Variants in CELF2 observed in about 807,000 individuals in gnomAD.
CELF2 encodes the protein CUG triplet repeat RNA-binding protein 2.
CELF2 carries 8 observed loss-of-function variants against 62.6 expected under a neutral mutation model. The ratio of observed to expected loss-of-function variants is 0.13; its 90% CI spans 0.07 to 0.23. The LOEUF (loss-of-function observed/expected upper bound fraction) is 0.23, where lower values mean the gene tolerates loss of function less well. Among genes scored for constraint, CELF2 ranks in the 10% least tolerant of loss-of-function variants. CELF2 has a pLI of 1.00. For synonymous variants in CELF2, 258 were observed against 250.0 expected (o/e 1.03, Z -0.30); for missense variants, 333 against 671.0 (o/e 0.50, Z 5.56).
intron 1 of CELF2, among the ~76,000 whole-genome samples, chr10:10,819,925 T>C (rs924699949): frequency 6.6e-6 from 1 of 152,168 alleles, no homozygotes; most frequent in African/African-American, 2.4e-5. Flanking sequence ...TGATACTGTT[T>C]GGCTTTGTCC....
chr10:10,571,953 T>G, the CELF2 span, among the ~76,000 whole-genome samples: 1 of 152,244 alleles, frequency 6.6e-6, no homozygotes, highest in Non-Finnish European at 1.5e-5. Flanking sequence ...AATACTCTTA[T>G]TGCTGTCAAT....
At chr10:11,320,958 G>A in intron 10 of CELF2, 1 of 1,534,164 alleles carries the variant, frequency 6.5e-7, no homozygotes, top group South Asian at 1.2e-5. Flanking sequence ...GTGCCACAGT[G>A]CATTTGAATC....
the CELF2 span, among the ~76,000 whole-genome samples, chr10:10,670,878 A>G: frequency 1.3e-5 from 2 of 152,068 alleles, no homozygotes; most frequent in East Asian, 1.9e-4. Context: ...ACTTAGAATT[A>G]TATACTTATA....
chr10:10,939,116 G>A (rs1456537497), intron 2 of CELF2, among the ~76,000 whole-genome samples: 3 of 144,904 alleles, frequency 2.1e-5, no homozygotes, highest in Non-Finnish European at 4.5e-5. Flanking sequence ...CACCTAGGCT[G>A]TAGTGCTTGA....
At chr10:10,691,635 T>G in the CELF2 span, among the ~76,000 whole-genome samples, 1 of 151,242 alleles carries the variant, frequency 6.6e-6, no homozygotes, top group African/African-American at 2.4e-5. Flanking sequence ...AGTGTAAAAG[T>G]GTTCCTATTT....
At chr10:10,945,289 C>G (rs2047534905) in intron 2 of CELF2, among the ~76,000 whole-genome samples, 1 of 152,148 alleles carries the variant, frequency 6.6e-6, no homozygotes, top group Admixed American at 6.5e-5. Context: ...AGCCTTGGGC[C>G]TTGGCTGATG....
the CELF2 span, among the ~76,000 whole-genome samples, chr10:10,547,036 G>A: frequency 1.3e-5 from 2 of 152,154 alleles, no homozygotes; most frequent in African/African-American, 4.8e-5. Flanking sequence ...GAACCTGGGA[G>A]GCGGAGGTTG....
chr10:11,073,602 A>G (rs1180887658), intron 1 of CELF2, among the ~76,000 whole-genome samples: 1 of 152,116 alleles, frequency 6.6e-6, no homozygotes, highest in Non-Finnish European at 1.5e-5. Context: ...TCATGTGTGG[A>G]CTCTGGTTTC....
rs201350787 is a variant in CELF2, at chr10:11,162,613, G to GT, written c.75-2873_75-2872insT. Among the ~76,000 whole-genome samples the GT allele has an allele frequency of 4.3e-3, 647 of 150,784 alleles. 18 individuals are homozygous for GT. The highest frequency in any genetic ancestry group is 0.038 in the Admixed American group (582 of 15,166). ...AAAGTAGCCTAAACTGGGGTGGGGGGGGTGAAAAAAATGTAAAGTACCTAT... is the reference window on the plus strand; with the variant it reads ...AAAGTAGCCTAAACTGGGGTGGGGGGTGGTGAAAAAAATGTAAAGTACCTAT... On this transcript the variant is annotated intron_variant, in intron 1 of 12. Transcript: ENST00000633077.
intron 1 of CELF2, among the ~76,000 whole-genome samples, chr10:10,799,771 C>G (rs987943077): frequency 6.6e-6 from 1 of 152,220 alleles, no homozygotes; most frequent in African/African-American, 2.4e-5. Flanking sequence ...TGCATCCTGT[C>G]TAAGCTGACT....
chr10:10,658,598 T>A, the CELF2 span, among the ~76,000 whole-genome samples: 1 of 152,226 alleles, frequency 6.6e-6, no homozygotes, highest in Non-Finnish European at 1.5e-5. Flanking sequence ...ATGTGTTTTA[T>A]CATCAAAGTA....
At chr10:11,115,071 G>A (rs1371697196) in intron 1 of CELF2, among the ~76,000 whole-genome samples, 3 of 152,156 alleles carry the variant, frequency 2.0e-5, no homozygotes, top group East Asian at 1.9e-4. Flanking sequence ...AATAAAATTG[G>A]CCCCACATAA....
intron 1 of CELF2, among the ~76,000 whole-genome samples, chr10:11,091,211 A>G (rs934905048): frequency 6.6e-6 from 1 of 152,224 alleles, no homozygotes; most frequent in Non-Finnish European, 1.5e-5. Context: ...AGTCCCCGAC[A>G]AACACCAAAT....
rs11415164 is a variant in CELF2, at chr10:10,924,281, CAAAAAAAAA to C, written c.89+4303_89+4311del. On this transcript the variant is annotated intron_variant, in intron 2 of 13. Transcript: ENST00000636488. The stretch of plus-strand genomic sequence containing the variant: ...TGGGCAACACAGCGAGACTCCGTCC[CAAAAAAAAA>C]AAAAAAAAAAAAAAAAAAAAGATAT... Among the ~76,000 whole-genome samples the C allele has an allele frequency of 7.5e-4, 34 of 45,102 alleles. 1 individual carries two copies. The highest frequency in any genetic ancestry group is 5.0e-3 in the Admixed American group (16 of 3,194). The allele number at this position is 45,102 out of a possible 152,430, so 29.6% of individuals were successfully genotyped here. A position where few individuals can be genotyped will look rare whatever the true frequency, so the allele number is the denominator to read the frequency against.
At chr10:10,607,124 G>A in the CELF2 span, among the ~76,000 whole-genome samples, 7 of 152,210 alleles carry the variant, frequency 4.6e-5, no homozygotes, top group Admixed American at 4.6e-4. Flanking sequence ...GAGCAATTTT[G>A]TTTCCTTACT....
At chr10:11,009,790 T>C (rs2056102156) in intron 1 of CELF2, among the ~76,000 whole-genome samples, 1 of 152,202 alleles carries the variant, frequency 6.6e-6, no homozygotes, top group African/African-American at 2.4e-5. Context: ...TGCAAGACTA[T>C]TTAGTTCCAC....
intron 1 of CELF2, among the ~76,000 whole-genome samples, chr10:11,037,454 C>T (rs2061144022): frequency 6.6e-6 from 1 of 152,196 alleles, no homozygotes; most frequent in Admixed American, 6.5e-5. Context: ...AGCTGTTTCT[C>T]AACTTGTGAT....
chr10:11,192,758 C>T (rs974986085), intron 2 of CELF2, among the ~76,000 whole-genome samples: 1 of 152,164 alleles, frequency 6.6e-6, no homozygotes, highest in African/African-American at 2.4e-5. Flanking sequence ...TAACCCCTGG[C>T]GTGCGTTAGA....
At chr10:10,798,859 A>G (rs2054339876) in intron 1 of CELF2, 2 of 398,948 alleles carry the variant, frequency 5.0e-6, no homozygotes, top group Non-Finnish European at 8.8e-6. Flanking sequence ...GTTTGAGTTC[A>G]TAGCCAAGGC....
Sources: gnomAD v4.1 joint callset for allele counts (sites outside exome capture counted in the v4.1 genomes callset) on GRCh38, gnomAD v4.1.1 for gene constraint, MANE v1.5 for transcripts, NCBI Gene and HGNC (gene_info 2026-07-23, HGNC 2026-07-21) for gene names.